NBEAL1: variants seen among roughly 807,000 people sequenced by gnomAD.
NBEAL1 encodes neurobeachin-like protein 1.
In NBEAL1, 273 loss-of-function variants were observed where a neutral mutation model predicts 351.3. The ratio of observed to expected loss-of-function variants is 0.78; its 90% CI spans 0.70 to 0.86. NBEAL1 has a LOEUF of 0.86. Among genes scored for constraint, NBEAL1 ranks in the 40% least tolerant of loss-of-function variants. NBEAL1 has a pLI of 0.00. For synonymous variants in NBEAL1, 1,050 were observed against 1,086.4 expected, an observed-to-expected ratio of 0.97 and a Z score of 0.66; for missense variants, 2,961 against 3,201.3, an observed-to-expected ratio of 0.92 and a Z score of 1.81.
chr2:203,172,969 T>A (rs568552376), intron 41 of NBEAL1, 116 bp downstream of exon 41: 51 of 703,184 alleles, frequency 7.3e-5, no homozygotes, highest in Non-Finnish European at 1.1e-4. Flanking sequence ...CTTTTGATAA[T>A]CAGAGTCTGA....
chr2:203,059,890 T>C (rs1342731042), intron 6 of NBEAL1, among the ~76,000 whole-genome samples: 1 of 152,236 alleles, frequency 6.6e-6, no homozygotes, highest in African/African-American at 2.4e-5. Flanking sequence ...GTGCTTCATC[T>C]GTAGCCTTTA....
In NBEAL1 at chr2:203,180,457, T is replaced by G; in HGVS notation, c.6540T>G (p.Val2180=). The part of the protein sequence containing the change: ...WQALMDNPYD[V]KELIPEFFYF... ...CTCTTATGGATAATCCATATGATGT[T>G]AAAGAACTTATTCCTGAATTCTTCT... The change falls in exon 43 of 56, where the codon GTT becomes GTG. Residue 2180 remains valine, a synonymous_variant. Coordinates refer to ENST00000683969, the MANE Select transcript of NBEAL1 (RefSeq NM_001378026.1). The G allele has an allele frequency of 6.2e-7, 1 of 1,612,332 alleles. No individual in the cohort carries two copies. The highest frequency in any genetic ancestry group is 1.3e-5 in the African/African-American group (1 of 75,012).
At chr2:203,065,376 A>C (rs769647921) in intron 6 of NBEAL1, among the ~76,000 whole-genome samples, 19 of 152,234 alleles carry the variant, frequency 1.2e-4, no homozygotes, top group Non-Finnish European at 2.6e-4. Context: ...AACTTTTTCC[A>C]AATAAAATTA....
chr2:203,104,808 C>T (rs778062376), intron 12 of NBEAL1, among the ~76,000 whole-genome samples: 1 of 151,918 alleles, frequency 6.6e-6, no homozygotes, highest in Non-Finnish European at 1.5e-5. Context: ...ACTTATGAAG[C>T]TTAGTTTGGT....
chr2:203,087,519 T>G (rs189720601), intron 10 of NBEAL1, among the ~76,000 whole-genome samples: 1 of 152,344 alleles, frequency 6.6e-6, no homozygotes, highest in Admixed American at 6.5e-5. Context: ...TTTTTAAATC[T>G]CCATACCATG....
chr2:203,063,542 G>A (rs1219726536), intron 6 of NBEAL1, among the ~76,000 whole-genome samples: 4 of 151,154 alleles, frequency 2.6e-5, no homozygotes, highest in Non-Finnish European at 5.9e-5. Context: ...GAAGGAAGGA[G>A]AAGAGAAGTG....
chr2:203,110,810 G>A (rs1226919942), intron 15 of NBEAL1, among the ~76,000 whole-genome samples: 1 of 119,622 alleles, frequency 8.4e-6, no homozygotes, highest in Non-Finnish European at 1.6e-5. Flanking sequence ...TCTGTCGCCA[G>A]TCTGGAGTAC....
chr2:203,141,301 G>A (rs1366871942), intron 31 of NBEAL1, among the ~76,000 whole-genome samples: 1 of 138,524 alleles, frequency 7.2e-6, no homozygotes, highest in Non-Finnish European at 1.5e-5. Flanking sequence ...TCCATAATAG[G>A]GGCTTTATAA....
At position 203,068,390 on chromosome 2, in the gene NBEAL1, T is replaced by C. The variant is rs2061628651; in HGVS notation, c.516-3T>C. ...CTTATTATTAACTTCTTTTTAATGA[T>C]AGACGAATCCTTAGTACTGTGGAAA... On this transcript the variant is annotated splice_polypyrimidine_tract_variant and splice_region_variant and intron_variant, in intron 6 of 55. Transcript: ENST00000683969. The C allele has an allele frequency of 2.0e-6, 3 of 1,498,118 alleles. No individual in the cohort carries two copies. In the African/African-American group the frequency reaches 4.2e-5, roughly 21 times the overall value. The allele number at this position is 1,498,118 out of a possible 1,614,324, so 92.8% of individuals were successfully genotyped here.
At chr2:203,077,330 A>C (rs1444910947) in intron 7 of NBEAL1, among the ~76,000 whole-genome samples, 2 of 152,084 alleles carry the variant, frequency 1.3e-5, no homozygotes. Context: ...AGATCACACC[A>C]CTGCACTCCA....
At chr2:203,089,250 T>C (rs188507885) in intron 10 of NBEAL1, among the ~76,000 whole-genome samples, 1 of 151,700 alleles carries the variant, frequency 6.6e-6, no homozygotes, top group African/African-American at 2.4e-5. Flanking sequence ...TCCCAGCTAT[T>C]CGGGAGGCTG....
chr2:203,114,829 A>G (rs2062653764), intron 17 of NBEAL1, among the ~76,000 whole-genome samples: 1 of 141,664 alleles, frequency 7.1e-6, no homozygotes, highest in South Asian at 2.5e-4. Flanking sequence ...TTGGCTCACT[A>G]TAACCTCTGT....
At chr2:203,088,762 G>C (rs2062012898) in intron 10 of NBEAL1, among the ~76,000 whole-genome samples, 1 of 152,154 alleles carries the variant, frequency 6.6e-6, no homozygotes, top group Non-Finnish European at 1.5e-5. Context: ...AAGTAGGTTT[G>C]ATCCATCCAA....
intron 24 of NBEAL1, among the ~76,000 whole-genome samples, chr2:203,129,223 A>C (rs1406996145): frequency 6.6e-6 from 1 of 152,178 alleles, no homozygotes; most frequent in East Asian, 1.9e-4. Context: ...AGATTATGTG[A>C]CTTAAAAAGT....
In NBEAL1 at chr2:203,180,590, G is replaced by T. The variant is rs556630058; in HGVS notation, c.6595+78G>T. On this transcript the variant is annotated intron_variant, in intron 43 of 55. Coordinates refer to ENST00000683969, the MANE Select transcript of NBEAL1 (RefSeq NM_001378026.1). ...CAAAAATGTCTTTCAGGACATTTTT[G>T]TAATATCCTGTAGATTATTTAAGAT... 4.8e-5 allele frequency: 61 copies of T among 1,258,710 alleles called. 2 individuals carry two copies. In the South Asian group the frequency reaches 8.3e-4, roughly 17 times the overall value. 78.0% of individuals were successfully genotyped at this position (1,258,710 alleles called of 1,614,324 possible).
chr2:203,198,020 C>CTTT (rs71034228), intron 48 of NBEAL1, among the ~76,000 whole-genome samples: 15 of 118,590 alleles, frequency 1.3e-4, no homozygotes, highest in Admixed American at 1.9e-4. Context: ...TTTTTCTTTT[C>CTTT]TTTTTTTTTT....
intron 8 of NBEAL1, among the ~76,000 whole-genome samples, chr2:203,082,515 T>G (rs1230739336): frequency 6.6e-6 from 1 of 152,240 alleles, no homozygotes. Context: ...TACATATTGT[T>G]TATTTCTGTG....
intron 31 of NBEAL1, among the ~76,000 whole-genome samples, chr2:203,139,342 A>T (rs578247070): frequency 6.6e-4 from 101 of 152,206 alleles, no homozygotes; most frequent in African/African-American, 2.4e-3. Flanking sequence ...TTTTCTAGTT[A>T]CATATGGTAC....
rs899888796 is a variant in NBEAL1, at chr2:203,110,139, A to G, written c.1950-11A>G. On this transcript the variant is annotated splice_polypyrimidine_tract_variant and intron_variant, in intron 14 of 55. Transcript: ENST00000683969. ...AACTTTAAAAGTTCTGATAATACGT[A>G]TTTTTTTTAGTTTTTTTACAGGAAG... 5 of 1,541,464 alleles carry G rather than the reference A, an allele frequency of 3.2e-6. No homozygotes were observed. Among genetic ancestry groups the G allele is most frequent in the South Asian group, 1.2e-5 (1 of 82,094 alleles).
Sources: allele counts gnomAD v4.1 joint callset (sites outside exome capture counted in the v4.1 genomes callset), GRCh38; gene constraint gnomAD v4.1.1; transcripts MANE v1.5; gene names NCBI Gene and HGNC (gene_info 2026-07-23, HGNC 2026-07-21).